Variants in ILDR1 observed in about 807,000 individuals in gnomAD.
ILDR1 encodes the protein immunoglobulin-like domain-containing receptor 1.
Under a neutral mutation model 62.4 loss-of-function variants are expected in ILDR1, and 56 were observed. The ratio of observed to expected loss-of-function variants is 0.90; its 90% CI spans 0.72 to 1.12. The LOEUF is 1.12. Among genes scored for constraint, ILDR1 ranks in the 50% most tolerant of loss-of-function variants. ILDR1 has a pLI of 0.00. For missense variants in ILDR1, 736 were observed against 710.6 expected (o/e 1.04, Z -0.41); for synonymous variants, 284 against 277.8 (o/e 1.02, Z -0.22).
intron 5 of ILDR1, among the ~76,000 whole-genome samples, chr3:122,000,085 T>C (rs777912178): frequency 3.3e-5 from 5 of 152,008 alleles, no homozygotes; most frequent in East Asian, 3.9e-4. Context: ...CTGTGACTTA[T>C]GTTTTTTCCC....
rs149188951 is a variant in ILDR1, at chr3:121,993,271, C to T, written c.1478G>A (p.Arg493Gln). The T allele has an allele frequency of 1.2e-5, 19 of 1,613,470 alleles. No individual in the cohort carries two copies. The highest frequency in any genetic ancestry group is 8.0e-5 in the African/African-American group (6 of 74,936). The change falls in exon 7 of 8, where the codon CGG (arginine) becomes CAG (glutamine). Residue 493 changes from arginine (R) to glutamine (Q), a missense_variant. Arg to Gln is a conservative substitution (Grantham distance 43). Coordinates refer to ENST00000344209, the MANE Select transcript of ILDR1 (RefSeq NM_001199799.2). ...GGAGTGCGAGCCGCGGCGGTGGGCC[C>T]GCCAGCTCTGGGGCTGCCTCTCCTT... ...EDKERQPQSW[R>Q]AHRRGSHSPH...
At chr3:122,000,294 C>CCTGA (rs35380925) in intron 5 of ILDR1, among the ~76,000 whole-genome samples, 18,198 of 151,734 alleles carry the variant, frequency 0.12, 1,168 homozygotes, top group Middle Eastern at 0.23. Context: ...ATCCCTACCT[C>CCTGA]CTGACCTCTG....
chr3:121,997,285 T>G (rs946526713), intron 5 of ILDR1, among the ~76,000 whole-genome samples: 1 of 152,226 alleles, frequency 6.6e-6, no homozygotes, highest in Non-Finnish European at 1.5e-5. Flanking sequence ...TGACCAGTCA[T>G]TTCTGGGACA....
At chr3:121,994,383 TCCA>T (rs2107646083) in intron 5 of ILDR1, 70 bp from the exon 6 acceptor site, 1 of 1,475,848 alleles carries the variant, frequency 6.8e-7, no homozygotes, top group South Asian at 1.3e-5. Context: ...TTCACTTCTT[TCCA>T]CCTAGGGGCC....
At chr3:122,029,050 G>T in the ILDR1 span, among the ~76,000 whole-genome samples, 1 of 152,132 alleles carries the variant, frequency 6.6e-6, no homozygotes, top group Admixed American at 6.5e-5. Context: ...ATATGCAGCT[G>T]TTAAAGTGGA....
the ILDR1 span, among the ~76,000 whole-genome samples, chr3:122,042,054 T>A: frequency 1.6e-3 from 180 of 113,724 alleles, 3 homozygotes; most frequent in East Asian, 0.046. Flanking sequence ...CTCCCAATGC[T>A]ATCCCTCCCC....
the ILDR1 span, chr3:122,055,402 C>A: frequency 2.2e-6 from 3 of 1,340,568 alleles, no homozygotes; most frequent in Admixed American, 1.7e-5. Flanking sequence ...GAAAGCTTTG[C>A]TTCTCTGCTG....
chr3:122,033,305 C>T, the ILDR1 span, among the ~76,000 whole-genome samples: 2 of 151,602 alleles, frequency 1.3e-5, no homozygotes, highest in Non-Finnish European at 2.9e-5. Context: ...TCTTGAGTCT[C>T]GGTGGAATCT....
upstream of ILDR1, among the ~76,000 whole-genome samples, chr3:122,022,813 T>G (rs563442359): frequency 1.8e-3 from 274 of 152,184 alleles, no homozygotes; most frequent in Non-Finnish European, 3.0e-3. Flanking sequence ...CTCGGGACGC[T>G]GAGGCCCGAG....
At chr3:122,010,717 G>C (rs1477597087) in intron 1 of ILDR1, among the ~76,000 whole-genome samples, 1 of 152,182 alleles carries the variant, frequency 6.6e-6, no homozygotes, top group East Asian at 1.9e-4. Flanking sequence ...CCACAGATAA[G>C]ATTTTCACAA....
upstream of ILDR1, among the ~76,000 whole-genome samples, chr3:122,023,212 A>G (rs945480540): frequency 1.3e-5 from 2 of 151,030 alleles, no homozygotes; most frequent in Admixed American, 6.6e-5. Flanking sequence ...ATTTTTTCTT[A>G]TCCTTCATTG....
At chr3:122,005,542 G>T in intron 2 of ILDR1, 149 bp from the exon 3 acceptor site, 1 of 784,736 alleles carries the variant, frequency 1.3e-6, no homozygotes, top group Non-Finnish European at 2.1e-6. Flanking sequence ...TAATCACGAA[G>T]ATCCTGATTC....
chr3:122,006,122 C>T (rs2071606704), intron 2 of ILDR1, among the ~76,000 whole-genome samples: 1 of 152,138 alleles, frequency 6.6e-6, no homozygotes, highest in African/African-American at 2.4e-5. Flanking sequence ...CAGTGGGTGG[C>T]TCAGACAGCT....
the ILDR1 span, among the ~76,000 whole-genome samples, chr3:122,056,565 C>T: frequency 6.6e-6 from 1 of 152,126 alleles, no homozygotes; most frequent in African/African-American, 2.4e-5. Flanking sequence ...ATCTCTTGAC[C>T]TTGTGATCTG....
chr3:122,001,970 C>CA (rs2071534766), intron 3 of ILDR1, 106 bp from the exon 4 acceptor site: 19 of 1,305,074 alleles, frequency 1.5e-5, no homozygotes, highest in Admixed American at 1.9e-5. Flanking sequence ...CTTGTATTTA[C>CA]AAAAAATAAT....
intron 2 of ILDR1, 44 bp downstream of exon 2, chr3:122,006,947 G>T (rs1338906569): frequency 2.5e-6 from 4 of 1,583,548 alleles, no homozygotes; most frequent in South Asian, 1.1e-5. Flanking sequence ...ATGTCACAGA[G>T]GTGTCTGGGA....
At chr3:122,011,598 C>T (rs920080890) in intron 1 of ILDR1, among the ~76,000 whole-genome samples, 11 of 150,332 alleles carry the variant, frequency 7.3e-5, no homozygotes, top group South Asian at 2.1e-4. Flanking sequence ...GTCTGCCAGC[C>T]AGCCCCACAG....
intron 1 of ILDR1, among the ~76,000 whole-genome samples, chr3:122,019,392 T>G (rs2071825547): frequency 6.6e-6 from 1 of 152,220 alleles, no homozygotes; most frequent in African/African-American, 2.4e-5. Flanking sequence ...ACTGTATATG[T>G]GTGCATACAT....
At chr3:122,028,123 C>G in the ILDR1 span, among the ~76,000 whole-genome samples, 1 of 151,310 alleles carries the variant, frequency 6.6e-6, no homozygotes, top group Non-Finnish European at 1.5e-5. Context: ...GTCAGGAGAT[C>G]GAGAGCATCC....
Sources: gnomAD v4.1 joint callset for allele counts (sites outside exome capture counted in the v4.1 genomes callset) on GRCh38, gnomAD v4.1.1 for gene constraint, MANE v1.5 for transcripts, NCBI Gene and HGNC (gene_info 2026-07-23, HGNC 2026-07-21) for gene names.